SLC19A1: variants seen among roughly 807,000 people sequenced by gnomAD.
SLC19A1 encodes the protein reduced folate transporter.
SLC19A1 carries 37 observed loss-of-function variants against 35.3 expected under a neutral mutation model. The ratio of observed to expected loss-of-function variants is 1.05; its 90% CI spans 0.81 to 1.38. SLC19A1 has a LOEUF of 1.38. SLC19A1 is among the 40% of genes most tolerant of loss of function. The probability of loss-of-function intolerance (pLI) is 0.00; values close to 1 mark genes in which losing one functional copy is unlikely to be tolerated. For synonymous variants in SLC19A1, 460 were observed against 398.5 expected (o/e 1.15, Z -1.84); for missense variants, 831 against 826.9 (o/e 1.00, Z -0.06).
intron 3 of SLC19A1, chr21:45,507,334 G>T: frequency 1.7e-6 from 1 of 584,538 alleles, no homozygotes; most frequent in Non-Finnish European, 3.1e-6. Context: ...TGGCAGGGCC[G>T]GGTGCTGGGC....
chr21:45,507,766 T>A (rs2037311122), downstream of SLC19A1, among the ~76,000 whole-genome samples: 1 of 152,132 alleles, frequency 6.6e-6, no homozygotes, highest in Non-Finnish European at 1.5e-5. Context: ...TACCTCTGTC[T>A]CAGCGCTGGC....
intron 3 of SLC19A1, chr21:45,503,935 G>A: frequency 1.9e-6 from 3 of 1,550,152 alleles, no homozygotes; most frequent in Admixed American, 1.7e-5. Context: ...AAACCCACCA[G>A]TGCTGGGGGC....
intron 3 of SLC19A1, chr21:45,506,142 T>C (rs1602623387): frequency 1.0e-6 from 1 of 966,698 alleles, no homozygotes; most frequent in East Asian, 2.7e-5. Context: ...TGAGCAGTTT[T>C]GGGTTTAAAG....
rs747240048 is a variant in SLC19A1 at position 45,517,003 on chromosome 21, T to C, written c.1294-863A>G. Among the ~76,000 whole-genome samples the C allele has an allele frequency of 1.3e-5, 2 of 152,098 alleles. No homozygotes were observed. Among genetic ancestry groups the C allele is most frequent in the Non-Finnish European group, 2.9e-5 (2 of 68,024 alleles). ...CACTGAGATAAACACCTGGGAAGACTCTGAAAGCAGGAGCGAGGAGGACAG... is the reference window on the plus strand; with the variant it reads ...CACTGAGATAAACACCTGGGAAGACCCTGAAAGCAGGAGCGAGGAGGACAG... On this transcript the variant is annotated intron_variant, in intron 5 of 5. Coordinates refer to ENST00000311124, the MANE Select transcript of SLC19A1 (RefSeq NM_194255.4). This position sits in a 1 kb window ranked among gnomAD's most constrained non-coding sequence, Gnocchi z 4.4.
rs2037260779 is a variant in SLC19A1 at position 45,507,174 on chromosome 21, G to A, written c.498-8562C>T. ...CTGGGAGGGCCGGGTGTTGGGGAGG[G>A]AGAGGCGGGTGCTGGGCAGGGAGGG... On this transcript the variant is annotated intron_variant, in intron 3 of 4. Coordinates refer to the SLC19A1 transcript ENST00000417954. 7.1e-5 allele frequency: 12 copies of A among 169,582 alleles called. No individual in the cohort carries two copies. In the South Asian group the frequency reaches 7.6e-4, roughly 11 times the overall value. 10.5% of individuals were successfully genotyped at this position (169,582 alleles called of 1,614,324 possible).
At position 45,531,753 on chromosome 21, in the gene SLC19A1, G is replaced by A. The variant is rs1365856747; in HGVS notation, c.585C>T (p.Phe195=). Residue 195 remains phenylalanine (F), a synonymous_variant, in exon 3 of 6, where the codon TTC becomes TTT. Coordinates refer to ENST00000311124, the MANE Select transcript of SLC19A1 (RefSeq NM_194255.4). Reference sequence around the variant, plus strand: ...TCAGGAAGAGGGCGAGGACCACGCTGAAGGTGAGGAAGGCCAGCGAGATGT... The same window carrying A: ...TCAGGAAGAGGGCGAGGACCACGCTAAAGGTGAGGAAGGCCAGCGAGATGT... ...LNYISLAFLT[F]SVVLALFLKR... 5.0e-6 allele frequency: 8 copies of A among 1,611,294 alleles called. No individual in the cohort carries two copies. The East Asian group carries it at 1.6e-4, about 32-fold the overall frequency.
rs944610341 is a variant in SLC19A1 at position 45,512,661 on chromosome 21, G to A, written c.*2997C>T. 7.3e-6 allele frequency: 4 copies of A among 546,948 alleles called. No individual in the cohort carries two copies. Among genetic ancestry groups the A allele is most frequent in the Non-Finnish European group, 6.6e-6 (2 of 303,406 alleles). The allele number at this position is 546,948 out of a possible 1,614,324, so 33.9% of individuals were successfully genotyped here. ...TGAGCCCAGCTGGGTCAGGCAGGGT[G>A]CAGTATCATGCCCTGTGCAACCTCT... On this transcript the variant is annotated 3_prime_UTR_variant, in exon 6 of 6. Coordinates refer to ENST00000311124, the MANE Select transcript of SLC19A1 (RefSeq NM_194255.4).
intron 1 of SLC19A1, among the ~76,000 whole-genome samples, chr21:45,558,147 C>A (rs553741136): frequency 6.6e-6 from 1 of 152,268 alleles, no homozygotes; most frequent in African/African-American, 2.4e-5. Context: ...GAGGCGGCTT[C>A]TGAAAACCCT....
rs118175016 is a variant in SLC19A1, at chr21:45,533,935, A to G, written c.190-1787T>C. ...AGGCCGGCATGCTGAGAAGCTTCCCAGGGGCTCAGGGGAAGGCTGCCCAGA... is the reference window on the plus strand; with the variant it reads ...AGGCCGGCATGCTGAGAAGCTTCCCGGGGGCTCAGGGGAAGGCTGCCCAGA... On this transcript the variant is annotated intron_variant, in intron 2 of 5. Coordinates refer to ENST00000311124, the MANE Select transcript of SLC19A1 (RefSeq NM_194255.4). This position sits in a 1 kb window ranked among gnomAD's most constrained non-coding sequence, Gnocchi z 4.5. Among the ~76,000 whole-genome samples, 3,623 of 151,926 alleles carry G rather than the reference A, an allele frequency of 0.024. 59 individuals are homozygous for G. The highest frequency in any genetic ancestry group is 0.065 in the Middle Eastern group (19 of 292).
Position 45,504,644 on chromosome 21 carries a change from C to T in SLC19A1, c.498-6032G>A, listed in dbSNP as rs537885602. On this transcript the variant is annotated intron_variant, in intron 3 of 4. Transcript: ENST00000417954. ...CAGGTCCAGCCCGGCCTTCGACACCCGCGAAGGCCGGAGCTGCCCCTGCAA... is the reference window on the plus strand; with the variant it reads ...CAGGTCCAGCCCGGCCTTCGACACCTGCGAAGGCCGGAGCTGCCCCTGCAA... 330 of 1,203,762 alleles carry T rather than the reference C, an allele frequency of 2.7e-4. 1 individual carries two copies. The highest frequency in any genetic ancestry group is 3.3e-4 in the East Asian group (13 of 39,126). The allele number at this position is 1,203,762 out of a possible 1,614,324, so 74.6% of individuals were successfully genotyped here.
At chr21:45,518,469 C>A (rs961532055) in intron 5 of SLC19A1, among the ~76,000 whole-genome samples, 1 of 152,102 alleles carries the variant, frequency 6.6e-6, no homozygotes, top group African/African-American at 2.4e-5. Context: ...TTGAAAACTT[C>A]CTAAATTTGG....
chr21:45,507,995 A>AGGTG (rs527928471), downstream of SLC19A1, among the ~76,000 whole-genome samples: 109 of 152,138 alleles, frequency 7.2e-4, no homozygotes, highest in African/African-American at 2.4e-3. Context: ...ATCAATGGGG[A>AGGTG]GGTGGATGGA....
At chr21:45,516,494 G>A (rs1602696253) in intron 5 of SLC19A1, among the ~76,000 whole-genome samples, 1 of 152,206 alleles carries the variant, frequency 6.6e-6, no homozygotes, top group African/African-American at 2.4e-5. Flanking sequence ...GGGTGCCCAT[G>A]AGGGCCAGAA....
chr21:45,529,620 C>CATGT (rs550144532), intron 4 of SLC19A1, among the ~76,000 whole-genome samples: 4 of 151,514 alleles, frequency 2.6e-5, no homozygotes, highest in African/African-American at 4.9e-5. Flanking sequence ...CATGTGTGAA[C>CATGT]GTGTCCATGT....
chr21:45,510,314 T>C, downstream of SLC19A1: 1 of 1,537,282 alleles, frequency 6.5e-7, no homozygotes, highest in South Asian at 1.2e-5. Context: ...ACTTGACCTC[T>C]GGGGTGAACT....
rs116087184 is a variant in SLC19A1, at chr21:45,557,724, G to C, written c.-50+5018C>G. On this transcript the variant is annotated intron_variant, in intron 1 of 5. Transcript: ENST00000650808. ...TCAGACAGTGTGCCTCTCTTGGACC[G>C]TGTCCTGCGCTCTGGTGACTCTCGG... Among the ~76,000 whole-genome samples, 1,133 of 152,234 alleles carry C rather than the reference G, an allele frequency of 7.4e-3. 17 individuals carry two copies. Among genetic ancestry groups the C allele is most frequent in the African/African-American group, 0.026 (1,063 of 41,532 alleles).
chr21:45,559,488 C>T (rs115462852), intron 1 of SLC19A1, among the ~76,000 whole-genome samples: 1 of 152,360 alleles, frequency 6.6e-6, no homozygotes, highest in African/African-American at 2.4e-5. Flanking sequence ...CCAGCTCCAA[C>T]TTGCAAAGAT....
chr21:45,510,204 C>T, downstream of SLC19A1: 1 of 1,603,728 alleles, frequency 6.2e-7, no homozygotes, highest in Non-Finnish European at 8.5e-7. Flanking sequence ...GCCTGCAGGA[C>T]CTGTACAGCA....
At position 45,515,145 on chromosome 21, in the gene SLC19A1, TC is replaced by T; in HGVS notation, c.*512del. ...CAGAGACAGAGAAGCCACATGCAGT[TC>T]TTCATTCTACGTCAGTTAAAAAAAA... On this transcript the variant is annotated 3_prime_UTR_variant, in exon 6 of 6. Transcript: ENST00000311124. 1 of 1,530,518 alleles carries T rather than the reference TC, an allele frequency of 6.5e-7. No individual in the cohort carries two copies. Among genetic ancestry groups the T allele is most frequent in the African/African-American group, 1.4e-5 (1 of 70,162 alleles). The allele number at this position is 1,530,518 out of a possible 1,614,324, so 94.8% of individuals were successfully genotyped here.
Sources: allele counts gnomAD v4.1 joint callset (sites outside exome capture counted in the v4.1 genomes callset), GRCh38; gene constraint gnomAD v4.1.1; non-coding constraint Gnocchi (gnomAD v3.1); transcripts MANE v1.5; gene names NCBI Gene and HGNC (gene_info 2026-07-23, HGNC 2026-07-21).